Variants in ZNF407 observed in about 807,000 individuals in gnomAD.
ZNF407 encodes zinc finger protein 407.
Under a neutral mutation model 131.2 loss-of-function variants are expected in ZNF407, and 17 were observed. That is an observed-to-expected ratio of 0.13 (90% CI 0.09 to 0.19). ZNF407 has a LOEUF of 0.19. ZNF407 is among the 10% of genes least tolerant of loss of function. The pLI, the probability that ZNF407 is intolerant of heterozygous loss-of-function variation, is 1.00. For synonymous variants in ZNF407, 1,156 were observed against 1,062.0 expected, an observed-to-expected ratio of 1.09 and a Z score of -1.72; for missense variants, 2,681 against 2,830.6, an observed-to-expected ratio of 0.95 and a Z score of 1.20.
intron 6 of ZNF407, among the ~76,000 whole-genome samples, chr18:74,882,143 A>T (rs1008311013): frequency 3.9e-5 from 6 of 152,236 alleles, no homozygotes; most frequent in Admixed American, 2.6e-4. Context: ...CCATATCAGG[A>T]ACACTTACAG....
chr18:74,922,881 A>C (rs554506629), intron 8 of ZNF407, among the ~76,000 whole-genome samples: 73 of 152,260 alleles, frequency 4.8e-4, no homozygotes, highest in Non-Finnish European at 7.9e-4. Flanking sequence ...CATTCTCTTG[A>C]TGTCTGGCCC....
At chr18:75,026,719 A>T (rs983330732) in intron 8 of ZNF407, among the ~76,000 whole-genome samples, 1 of 152,226 alleles carries the variant, frequency 6.6e-6, no homozygotes, top group African/African-American at 2.4e-5. Flanking sequence ...TATTAATGGT[A>T]TGTGATTGGC....
chr18:74,634,861 G>A lies in ZNF407; in HGVS notation c.3842G>A (p.Gly1281Asp). The change falls in exon 2 of 9, where the codon GGT becomes GAT. Residue 1281 changes from glycine to aspartate, a missense_variant. By Grantham distance (94) the Gly-to-Asp change is moderately conservative. Transcript: ENST00000299687. ...GAACAGGGAAATCTGGAGAGCGGGG[G>A]TCAGAACAGAGTTGCACGTGGGCAT... ...TREQGNLESG[G>D]QNRVARGHGL... The A allele has an allele frequency of 1.2e-6, 2 of 1,613,734 alleles. No homozygotes were observed. Among genetic ancestry groups the A allele is most frequent in the Non-Finnish European group, 1.7e-6 (2 of 1,179,738 alleles).
intron 1 of ZNF407, among the ~76,000 whole-genome samples, chr18:74,625,792 A>G (rs1355329367): frequency 2.6e-5 from 4 of 152,220 alleles, no homozygotes; most frequent in Admixed American, 1.3e-4. Context: ...TTATATCACA[A>G]TAAGGCATTC....
At chr18:74,919,936 C>T (rs1971824070) in intron 7 of ZNF407, among the ~76,000 whole-genome samples, 1 of 152,076 alleles carries the variant, frequency 6.6e-6, no homozygotes, top group Admixed American at 6.6e-5. Context: ...ATTTTCCATG[C>T]CATCACTCTT....
intron 3 of ZNF407, among the ~76,000 whole-genome samples, chr18:74,755,583 T>G (rs1175576961): frequency 0.032 from 40 of 1,236 alleles, no homozygotes; most frequent in African/African-American, 0.055. Context: ...TCCTTTCTGG[T>G]TTTTTTTTTT....
intron 3 of ZNF407, among the ~76,000 whole-genome samples, chr18:74,690,125 A>C (rs1489088670): frequency 6.6e-6 from 1 of 152,220 alleles, no homozygotes; most frequent in Non-Finnish European, 1.5e-5. Flanking sequence ...ATACAGATTC[A>C]TTATGCTAAA....
intron 7 of ZNF407, among the ~76,000 whole-genome samples, chr18:74,897,614 G>C (rs1039567253): frequency 6.6e-6 from 1 of 152,252 alleles, no homozygotes; most frequent in South Asian, 2.1e-4. Flanking sequence ...AAAGGCCTTA[G>C]AGATGAAAAA....
intron 3 of ZNF407, among the ~76,000 whole-genome samples, chr18:74,777,075 G>A (rs1391308446): frequency 2.6e-5 from 4 of 152,052 alleles, no homozygotes; most frequent in Non-Finnish European, 5.9e-5. Context: ...AGCTGTATGT[G>A]CTTTAATAGA....
intron 1 of ZNF407, among the ~76,000 whole-genome samples, chr18:74,617,861 C>G (rs1189011675): frequency 6.6e-6 from 1 of 152,166 alleles, no homozygotes; most frequent in Admixed American, 6.5e-5. Flanking sequence ...AAACGCCCCC[C>G]CTAGATTTGG....
Position 74,983,422 on chromosome 18 carries a change from G to T in ZNF407, c.5428+62730G>T, listed in dbSNP as rs192548418. On this transcript the variant is annotated intron_variant, in intron 8 of 8. Transcript: ENST00000299687. ...AATTTCCCAAATGAAAATAGGAAGT[G>T]CTAGAATCACATGATAAACTTGCGT... 6.6e-5 allele frequency among the ~76,000 whole-genome samples: 10 copies of T among 152,330 alleles called. No individual in the cohort carries two copies. The East Asian group carries it at 1.5e-3, about 23-fold the overall frequency.
chr18:74,794,879 T>A (rs1568218953), intron 4 of ZNF407, among the ~76,000 whole-genome samples: 1 of 152,166 alleles, frequency 6.6e-6, no homozygotes, highest in African/African-American at 2.4e-5. Flanking sequence ...TACAACTTAA[T>A]GTATTTATGA....
intron 3 of ZNF407, among the ~76,000 whole-genome samples, chr18:74,749,951 G>A (rs1968760091): frequency 1.3e-5 from 2 of 152,098 alleles, no homozygotes; most frequent in South Asian, 2.1e-4. Flanking sequence ...ACTTTTCTAA[G>A]GCAGAAGAGA....
At chr18:74,827,539 G>T (rs1031800892) in intron 4 of ZNF407, among the ~76,000 whole-genome samples, 1 of 151,742 alleles carries the variant, frequency 6.6e-6, no homozygotes, top group Non-Finnish European at 1.5e-5. Context: ...GCCACCTCAT[G>T]TGTCCTTTTG....
At chr18:74,800,877 A>G (rs945224862) in intron 4 of ZNF407, among the ~76,000 whole-genome samples, 1 of 152,124 alleles carries the variant, frequency 6.6e-6, no homozygotes, top group African/African-American at 2.4e-5. Context: ...GTCATTTGTC[A>G]GGTTATTGTT....
chr18:74,955,110 T>G (rs1283104034), intron 8 of ZNF407, among the ~76,000 whole-genome samples: 1 of 152,106 alleles, frequency 6.6e-6, no homozygotes, highest in East Asian at 1.9e-4. Flanking sequence ...TGAATCCAGT[T>G]AGGAGTTTGG....
At chr18:74,913,573 T>A (rs1397736124) in intron 7 of ZNF407, among the ~76,000 whole-genome samples, 2 of 152,110 alleles carry the variant, frequency 1.3e-5, no homozygotes, top group Non-Finnish European at 2.9e-5. Context: ...GAAAAAGTAG[T>A]GTTTACTTCT....
chr18:74,844,418 C>T (rs148079301), intron 4 of ZNF407, among the ~76,000 whole-genome samples: 4 of 152,270 alleles, frequency 2.6e-5, no homozygotes, highest in African/African-American at 4.8e-5. Flanking sequence ...TTCTCCTTTG[C>T]GTGCCTGTGT....
chr18:74,601,663 G>C (rs1415800075), intron 1 of ZNF407, among the ~76,000 whole-genome samples: 1 of 152,090 alleles, frequency 6.6e-6, no homozygotes, highest in African/African-American at 2.4e-5. Flanking sequence ...AGGAGCGAGA[G>C]AGTGGGGAGG....
Sources: gnomAD v4.1 joint callset for allele counts (sites outside exome capture counted in the v4.1 genomes callset) on GRCh38, gnomAD v4.1.1 for gene constraint, MANE v1.5 for transcripts, NCBI Gene and HGNC (gene_info 2026-07-23, HGNC 2026-07-21) for gene names.